The following RIMBP2 variants were observed in gnomAD, a reference collection of about 807,000 sequenced individuals.
RIMBP2 encodes RIMS binding protein 2.
A neutral mutation model predicts 118.6 loss-of-function variants in RIMBP2; 48 were observed. The ratio of observed to expected loss-of-function variants is 0.40; its 90% CI spans 0.32 to 0.51. The LOEUF is 0.51. RIMBP2 is among the 20% of genes least tolerant of loss of function. The pLI, the probability that RIMBP2 is intolerant of heterozygous loss-of-function variation, is 0.41. For missense variants in RIMBP2, 1,551 were observed against 1,768.3 expected, an observed-to-expected ratio of 0.88 and a Z score of 2.20; for synonymous variants, 762 against 742.9, an observed-to-expected ratio of 1.03 and a Z score of -0.42.
intron 1 of RIMBP2, among the ~76,000 whole-genome samples, chr12:130,707,077 G>C (rs1191210968): frequency 6.6e-6 from 1 of 152,210 alleles, no homozygotes; most frequent in East Asian, 1.9e-4. Context: ...TCCTGTTCTT[G>C]AGCAGGGCCC....
chr12:130,692,836 T>G (rs1593017664), intron 1 of RIMBP2, among the ~76,000 whole-genome samples: 1 of 80,856 alleles, frequency 1.2e-5, no homozygotes, highest in African/African-American at 4.8e-5. Context: ...TGGGATGGGA[T>G]GGGATGGGAT....
At chr12:130,423,581 C>T (rs186768214) in intron 16 of RIMBP2, among the ~76,000 whole-genome samples, 3 of 139,100 alleles carry the variant, frequency 2.2e-5, no homozygotes, top group African/African-American at 8.1e-5. Flanking sequence ...GAAGGCTGAT[C>T]ATGGAAAATT....
chr12:130,526,556 T>C (rs565089409), intron 2 of RIMBP2, among the ~76,000 whole-genome samples: 4 of 152,320 alleles, frequency 2.6e-5, no homozygotes, highest in African/African-American at 9.6e-5. Flanking sequence ...AGTTTGGGTT[T>C]TGAATTTTAT....
chr12:130,656,006 T>C (rs1190602847), intron 1 of RIMBP2, among the ~76,000 whole-genome samples: 1 of 152,210 alleles, frequency 6.6e-6, no homozygotes, highest in African/African-American at 2.4e-5. Context: ...GGAAGCTCTC[T>C]CATGTCCATC....
intron 4 of RIMBP2, among the ~76,000 whole-genome samples, chr12:130,489,629 A>G (rs1210732743): frequency 6.6e-6 from 1 of 150,862 alleles, no homozygotes; most frequent in Non-Finnish European, 1.5e-5. Flanking sequence ...GATCATCATC[A>G]CCCCCACTGT....
At chr12:130,444,141 T>C (rs758056245) in intron 10 of RIMBP2, among the ~76,000 whole-genome samples, 5 of 152,180 alleles carry the variant, frequency 3.3e-5, no homozygotes, top group Admixed American at 1.3e-4. Context: ...GGCACATATT[T>C]CTGTGCTTAT....
rs1032433357 is a variant in RIMBP2 at position 130,622,706 on chromosome 12, T to C, written c.-217+5616A>G. On this transcript the variant is annotated intron_variant, in intron 2 of 22. Coordinates refer to ENST00000690449, the MANE Select transcript of RIMBP2 (RefSeq NM_001393629.1). The surrounding 1 kb of genome is among the most constrained non-coding windows in gnomAD (Gnocchi z 8.5). ...TAGCTAGCTAGGGTTTGTTGATTGTTTTTGTCTATTTTATTGCCTGTACAA... is the reference window on the plus strand; with the variant it reads ...TAGCTAGCTAGGGTTTGTTGATTGTCTTTGTCTATTTTATTGCCTGTACAA... Among the ~76,000 whole-genome samples the C allele has an allele frequency of 5.9e-5, 9 of 152,216 alleles. No individual in the cohort carries two copies. The highest frequency in any genetic ancestry group is 1.0e-4 in the Non-Finnish European group (7 of 68,042).
At position 130,619,621 on chromosome 12, in the gene RIMBP2, C is replaced by T. The variant is rs34362302; in HGVS notation, c.-217+8701G>A. Among the ~76,000 whole-genome samples, 1,095 of 152,246 alleles carry T rather than the reference C, an allele frequency of 7.2e-3. 8 individuals carry two copies. Among genetic ancestry groups the T allele is most frequent in the East Asian group, 0.016 (81 of 5,176 alleles). On this transcript the variant is annotated intron_variant, in intron 2 of 22. Transcript: ENST00000690449. ...CACGCACGTGTTATTCTTTCCATGG[C>T]GACTGATCAGTGTGGATCTCTAATC...
At chr12:130,608,250 G>A (rs1278516858) in intron 2 of RIMBP2, among the ~76,000 whole-genome samples, 3 of 152,196 alleles carry the variant, frequency 2.0e-5, no homozygotes, top group Non-Finnish European at 4.4e-5. Flanking sequence ...ACACACAACA[G>A]GACAATGGGA....
chr12:130,572,133 A>G (rs1371082973), intron 2 of RIMBP2, among the ~76,000 whole-genome samples: 1 of 115,278 alleles, frequency 8.7e-6, no homozygotes, highest in African/African-American at 2.7e-5. Flanking sequence ...GTGAAACAGC[A>G]TGGCCAGGAG....
Position 130,545,258 on chromosome 12 carries a change from C to T in RIMBP2, c.-216-27341G>A, listed in dbSNP as rs952544535. On this transcript the variant is annotated intron_variant, in intron 2 of 22. Transcript: ENST00000690449. Reference sequence around the variant, plus strand: ...GCACAGGAGATGTTAGAATCAGACGCGTAATTGCTGTCCCAGGCAGCGGCC... The same window carrying T: ...GCACAGGAGATGTTAGAATCAGACGTGTAATTGCTGTCCCAGGCAGCGGCC... 3.3e-5 allele frequency among the ~76,000 whole-genome samples: 5 copies of T among 152,108 alleles called. 1 individual carries two copies. Among genetic ancestry groups the T allele is most frequent in the Non-Finnish European group, 5.9e-5 (4 of 68,012 alleles).
In RIMBP2 at chr12:130,424,079, A is replaced by G. The variant is rs2136744960; in HGVS notation, c.3129+63T>C. ...TGGACACCAGAACAAACAGAAAACC[A>G]GTGAAAGGATGGGACAGATTGGTTT... On this transcript the variant is annotated intron_variant, in intron 16 of 22. Transcript: ENST00000690449. The surrounding 1 kb of genome is among the most constrained non-coding windows in gnomAD (Gnocchi z 9.8). The G allele has an allele frequency of 1.1e-6, 1 of 889,688 alleles. No individual in the cohort carries two copies. The highest frequency in any genetic ancestry group is 1.5e-6 in the Non-Finnish European group (1 of 675,212). 55.1% of individuals were successfully genotyped at this position (889,688 alleles called of 1,614,324 possible).
At chr12:130,498,371 G>A (rs912831707) in intron 4 of RIMBP2, among the ~76,000 whole-genome samples, 3 of 152,236 alleles carry the variant, frequency 2.0e-5, no homozygotes, top group African/African-American at 7.2e-5. Flanking sequence ...TTTATCGAGT[G>A]TCTACTATAT....
intron 4 of RIMBP2, among the ~76,000 whole-genome samples, chr12:130,504,055 G>T (rs570199733): frequency 6.4e-4 from 98 of 152,300 alleles, no homozygotes; most frequent in African/African-American, 2.0e-3. Flanking sequence ...GCAGGGGGGG[G>T]TGTCTAGTCA....
At chr12:130,642,659 A>T (rs1405000098) in intron 1 of RIMBP2, among the ~76,000 whole-genome samples, 1 of 152,236 alleles carries the variant, frequency 6.6e-6, no homozygotes, top group Non-Finnish European at 1.5e-5. Context: ...CACATCGACT[A>T]ACATGCATCT....
chr12:130,449,059 C>CAG (rs59326118), intron 9 of RIMBP2, among the ~76,000 whole-genome samples: 29,561 of 152,160 alleles, frequency 0.19, 2,998 homozygotes, highest in Admixed American at 0.28. Context: ...AAACAGATCA[C>CAG]GGGACTCTGG....
rs532587877 is a variant in RIMBP2 at position 130,710,129 on chromosome 12, C to T, written c.-352+6093G>A. 4.7e-4 allele frequency among the ~76,000 whole-genome samples: 72 copies of T among 152,298 alleles called. No homozygotes were observed. Among genetic ancestry groups the T allele is most frequent in the African/African-American group, 1.6e-3 (66 of 41,578 alleles). On this transcript the variant is annotated intron_variant, in intron 1 of 22. Coordinates refer to ENST00000690449, the MANE Select transcript of RIMBP2 (RefSeq NM_001393629.1). The surrounding 1 kb of genome is among the most constrained non-coding windows in gnomAD (Gnocchi z 4.3). Reference sequence around the variant, plus strand: ...CCTGTGGTCCCAGCTGCTCCAAAAACACCCAAGGAGCAATTTCTGCACATA... The same window carrying T: ...CCTGTGGTCCCAGCTGCTCCAAAAATACCCAAGGAGCAATTTCTGCACATA...
chr12:130,613,798 A>G (rs1182611658), intron 2 of RIMBP2, among the ~76,000 whole-genome samples: 3 of 131,106 alleles, frequency 2.3e-5, no homozygotes, highest in Non-Finnish European at 4.7e-5. Flanking sequence ...TGGGTGACAG[A>G]GCAAGACTCT....
intron 2 of RIMBP2, among the ~76,000 whole-genome samples, chr12:130,564,680 T>C (rs1231845199): frequency 3.3e-5 from 5 of 152,152 alleles, no homozygotes; most frequent in Admixed American, 1.3e-4. Context: ...TAACACTCCT[T>C]TTATATAAGG....
Sources: gnomAD v4.1 joint callset for allele counts (sites outside exome capture counted in the v4.1 genomes callset) on GRCh38, gnomAD v4.1.1 for gene constraint, Gnocchi (gnomAD v3.1) non-coding constraint, MANE v1.5 for transcripts, NCBI Gene and HGNC (gene_info 2026-07-23, HGNC 2026-07-21) for gene names.